TNR: variants seen among roughly 807,000 people sequenced by gnomAD.
TNR encodes the protein tenascin R, also known as tenascin-R.
TNR carries 45 observed loss-of-function variants against 150.4 expected under a neutral mutation model. The observed-to-expected ratio is 0.30, with a 90% CI of 0.24 to 0.38. TNR has a LOEUF of 0.38. Among genes scored for constraint, TNR ranks in the 10% least tolerant of loss-of-function variants. The pLI, the probability that TNR is intolerant of heterozygous loss-of-function variation, is 1.00. For synonymous variants in TNR, 687 were observed against 678.4 expected, an observed-to-expected ratio of 1.01 and a Z score of -0.20; for missense variants, 1,544 against 1,759.1, an observed-to-expected ratio of 0.88 and a Z score of 2.19.
chr1:175,565,974 G>A (rs1379191289), intron 1 of TNR, among the ~76,000 whole-genome samples: 2 of 152,124 alleles, frequency 1.3e-5, no homozygotes, highest in African/African-American at 2.4e-5. Flanking sequence ...ATGGACAACA[G>A]GTAGAATCTT....
intron 1 of TNR, among the ~76,000 whole-genome samples, chr1:175,540,913 G>A (rs887236342): frequency 1.3e-5 from 2 of 151,806 alleles, no homozygotes; most frequent in Non-Finnish European, 2.9e-5. Context: ...TGTGCCCAAG[G>A]CCCATTACAA....
At chr1:175,405,166 C>A (rs927302040) in intron 3 of TNR, among the ~76,000 whole-genome samples, 3 of 152,302 alleles carry the variant, frequency 2.0e-5, no homozygotes, top group East Asian at 3.9e-4. Flanking sequence ...GTCTAAGGTA[C>A]CTTTTGGGAG....
At chr1:175,323,576 G>T (rs1452012305) in intron 22 of TNR, 100 bp from the exon 23 acceptor site, 17 of 1,510,920 alleles carry the variant, frequency 1.1e-5, no homozygotes, top group Non-Finnish European at 1.4e-5. Flanking sequence ...CACAATGTGG[G>T]GTTAGCTATT....
intron 2 of TNR, among the ~76,000 whole-genome samples, chr1:175,499,633 C>T (rs2102147838): frequency 6.6e-6 from 1 of 152,330 alleles, no homozygotes. Flanking sequence ...CTAGGTTTTT[C>T]TGGGGAACAA....
intron 1 of TNR, among the ~76,000 whole-genome samples, chr1:175,562,421 A>C (rs924297023): frequency 6.6e-5 from 10 of 152,212 alleles, no homozygotes; most frequent in African/African-American, 2.2e-4. Context: ...GTCTGAGCCT[A>C]AGGAGCAAGG....
At chr1:175,662,694 A>G (rs1285904137) in intron 1 of TNR, among the ~76,000 whole-genome samples, 1 of 152,186 alleles carries the variant, frequency 6.6e-6, no homozygotes, top group African/African-American at 2.4e-5. Flanking sequence ...TCAGGACCCA[A>G]AGAACGTAGT....
intron 2 of TNR, among the ~76,000 whole-genome samples, chr1:175,452,729 T>C (rs545896337): frequency 1.3e-5 from 2 of 152,368 alleles, no homozygotes; most frequent in East Asian, 3.9e-4. Flanking sequence ...CTGATTTGTA[T>C]TTTTAAAGGA....
chr1:175,596,757 T>C (rs913530530), intron 1 of TNR, among the ~76,000 whole-genome samples: 1 of 152,314 alleles, frequency 6.6e-6, no homozygotes, highest in Admixed American at 6.5e-5. Flanking sequence ...TTTATCTCAG[T>C]GGGGACTAAA....
chr1:175,607,646 G>T (rs1663453976), intron 1 of TNR, among the ~76,000 whole-genome samples: 1 of 152,154 alleles, frequency 6.6e-6, no homozygotes, highest in African/African-American at 2.4e-5. Flanking sequence ...CAGTGGTCAG[G>T]ACTCAGTAAA....
intron 2 of TNR, among the ~76,000 whole-genome samples, chr1:175,525,208 T>G (rs1396838646): frequency 2.6e-5 from 4 of 152,200 alleles, no homozygotes; most frequent in African/African-American, 7.2e-5. Context: ...AAGGAGGTGT[T>G]TGCTTCCCCT....
chr1:175,584,303 C>A (rs1166284283), intron 1 of TNR, among the ~76,000 whole-genome samples: 3 of 152,118 alleles, frequency 2.0e-5, no homozygotes, highest in East Asian at 3.8e-4. Context: ...AAGGCAGCCA[C>A]ATGACTGGAG....
At chr1:175,556,916 T>A (rs1216062415) in intron 1 of TNR, 1 of 152,234 alleles carries the variant, frequency 6.6e-6, no homozygotes, top group East Asian at 1.9e-4. Flanking sequence ...AGTGTTGAGA[T>A]GTCACTTCCA....
At chr1:175,660,893 G>A (rs934708754) in intron 1 of TNR, among the ~76,000 whole-genome samples, 1 of 152,206 alleles carries the variant, frequency 6.6e-6, no homozygotes, top group Admixed American at 6.5e-5. Context: ...TTAGAGATAG[G>A]AGAGGAGGCT....
chr1:175,613,459 C>T (rs1663663100), intron 1 of TNR, among the ~76,000 whole-genome samples: 1 of 150,126 alleles, frequency 6.7e-6, no homozygotes, highest in Non-Finnish European at 1.5e-5. Context: ...ATCAACCCCA[C>T]CCCATCCCAC....
intron 1 of TNR, among the ~76,000 whole-genome samples, chr1:175,549,439 G>A (rs1411239915): frequency 6.6e-6 from 1 of 152,178 alleles, no homozygotes; most frequent in Non-Finnish European, 1.5e-5. Context: ...TCAACACTGT[G>A]GTGGCAGAAT....
At position 175,384,309 on chromosome 1, in the gene TNR, T is replaced by A. The variant is rs529506202; in HGVS notation, c.1777+1723A>T. On this transcript the variant is annotated intron_variant, in intron 8 of 22. Coordinates refer to ENST00000367674, the MANE Select transcript of TNR (RefSeq NM_003285.3). ...AATTAACCAAGAAGGGACGTGAGCA[T>A]CTTTGGCTAAATGAGGAAGCAGAAG... Among the ~76,000 whole-genome samples, 4 of 152,266 alleles carry A rather than the reference T, an allele frequency of 2.6e-5. No individual in the cohort carries two copies. In the East Asian group the frequency reaches 7.7e-4, roughly 29 times the overall value.
At chr1:175,452,382 C>T (rs77184021) in intron 2 of TNR, among the ~76,000 whole-genome samples, 13,199 of 152,314 alleles carry the variant, frequency 0.087, 643 homozygotes, top group South Asian at 0.11. Context: ...AGAAAATAAA[C>T]CCTGGAAACA....
At chr1:175,695,436 C>T (rs183265340) in intron 1 of TNR, among the ~76,000 whole-genome samples, 4 of 144,206 alleles carry the variant, frequency 2.8e-5, no homozygotes, top group African/African-American at 2.9e-5. Context: ...ATCCCTGACC[C>T]ACAGAAACTA....
intron 1 of TNR, among the ~76,000 whole-genome samples, chr1:175,740,542 C>G (rs1003002119): frequency 1.3e-5 from 2 of 152,162 alleles, no homozygotes; most frequent in African/African-American, 4.8e-5. Flanking sequence ...TTCCCCACCA[C>G]TGCTCATCTC....
Sources: gnomAD v4.1 joint callset for allele counts (sites outside exome capture counted in the v4.1 genomes callset) on GRCh38, gnomAD v4.1.1 for gene constraint, MANE v1.5 for transcripts, NCBI Gene and HGNC (gene_info 2026-07-23, HGNC 2026-07-21) for gene names.